Variants in ADK observed in about 807,000 individuals in gnomAD.
ADK encodes the protein adenosine kinase, also known as N6,N6-dimethyladenosine kinase.
ADK carries 24 observed loss-of-function variants against 44.7 expected under a neutral mutation model. That is an observed-to-expected ratio of 0.54 (90% CI 0.39 to 0.76). ADK has a LOEUF of 0.76. Among genes scored for constraint, ADK ranks in the 30% least tolerant of loss-of-function variants. ADK has a pLI of 0.00. For missense variants in ADK, 321 were observed against 425.1 expected, an observed-to-expected ratio of 0.76 and a Z score of 2.15; for synonymous variants, 128 against 142.6, an observed-to-expected ratio of 0.90 and a Z score of 0.73.
intron 4 of ADK, among the ~76,000 whole-genome samples, chr10:74,340,772 T>G (rs1033949491): frequency 1.3e-5 from 2 of 152,170 alleles, no homozygotes; most frequent in Admixed American, 6.5e-5. Flanking sequence ...CTGTTTTAAT[T>G]GTCTATATAG....
intron 6 of ADK, among the ~76,000 whole-genome samples, chr10:74,487,510 C>T: frequency 6.7e-6 from 1 of 150,046 alleles, no homozygotes; most frequent in African/African-American, 2.5e-5. Context: ...GTAGAATTTG[C>T]CAGTTTATTT....
chr10:74,231,931 G>C (rs1363321128), intron 3 of ADK, among the ~76,000 whole-genome samples: 1 of 150,602 alleles, frequency 6.6e-6, no homozygotes, highest in Non-Finnish European at 1.5e-5. Context: ...CTAAATCTGT[G>C]TTAGATTTCT....
chr10:74,182,976 C>T (rs4745741), intron 1 of ADK, among the ~76,000 whole-genome samples: 111,929 of 152,014 alleles, frequency 0.74, 41,921 homozygotes, highest in Middle Eastern at 0.85. Context: ...AGTGTGGTGG[C>T]ATGAACACAG....
chr10:74,444,578 G>A (rs532115317), intron 6 of ADK, among the ~76,000 whole-genome samples: 4 of 152,156 alleles, frequency 2.6e-5, no homozygotes, highest in African/African-American at 7.2e-5. Context: ...GTAGCAAGGG[G>A]TTGGGGGAGT....
intron 7 of ADK, among the ~76,000 whole-genome samples, chr10:74,587,211 A>T (rs1214412514): frequency 6.6e-6 from 1 of 152,192 alleles, no homozygotes; most frequent in African/African-American, 2.4e-5. Flanking sequence ...ATAGCTTTTG[A>T]ACCTTTTCCT....
chr10:74,703,497 C>G (rs775350449), intron 10 of ADK, among the ~76,000 whole-genome samples: 1 of 151,876 alleles, frequency 6.6e-6, no homozygotes, highest in Admixed American at 6.6e-5. Flanking sequence ...AAATAAATAA[C>G]AAATAAATTA....
chr10:74,320,231 A>C (rs1188222521), intron 4 of ADK, among the ~76,000 whole-genome samples: 1 of 152,160 alleles, frequency 6.6e-6, no homozygotes, highest in East Asian at 1.9e-4. Context: ...GTTTTGTTGG[A>C]TATAGAATTC....
intron 3 of ADK, among the ~76,000 whole-genome samples, chr10:74,314,338 T>C (rs1840545947): frequency 6.6e-6 from 1 of 152,080 alleles, no homozygotes; most frequent in Non-Finnish European, 1.5e-5. Context: ...GAGACTGGGA[T>C]TCTGATTTTG....
At chr10:74,413,066 A>C (rs1372835994) in intron 6 of ADK, among the ~76,000 whole-genome samples, 1 of 152,124 alleles carries the variant, frequency 6.6e-6, no homozygotes, top group Non-Finnish European at 1.5e-5. Context: ...CCAAAAAAAA[A>C]AAAATTCAGC....
chr10:74,423,116 G>T (rs1328167226), intron 6 of ADK, among the ~76,000 whole-genome samples: 1 of 152,190 alleles, frequency 6.6e-6, no homozygotes, highest in African/African-American at 2.4e-5. Context: ...AGGGTGAGGG[G>T]AACAGAAGCA....
intron 4 of ADK, among the ~76,000 whole-genome samples, chr10:74,319,549 G>A (rs1036492155): frequency 7.9e-5 from 12 of 152,130 alleles, no homozygotes; most frequent in Admixed American, 3.3e-4. Flanking sequence ...ATCTTCAAAT[G>A]TAGTCACATT....
chr10:74,635,580 C>A (rs1191473176), intron 9 of ADK, among the ~76,000 whole-genome samples: 1 of 152,088 alleles, frequency 6.6e-6, no homozygotes, highest in Non-Finnish European at 1.5e-5. Flanking sequence ...GTTTTATTTT[C>A]TCATGATTCT....
intron 9 of ADK, among the ~76,000 whole-genome samples, chr10:74,621,256 G>A (rs1346459633): frequency 6.6e-6 from 1 of 152,148 alleles, no homozygotes; most frequent in African/African-American, 2.4e-5. Context: ...AGAGCTAGGA[G>A]TCTAGTTCCA....
chr10:74,178,171 AC>A, intron 1 of ADK, among the ~76,000 whole-genome samples: 1 of 151,960 alleles, frequency 6.6e-6, no homozygotes, highest in Non-Finnish European at 1.5e-5. Flanking sequence ...CGAACTCCTG[AC>A]CTCAAGTGAT....
intron 7 of ADK, among the ~76,000 whole-genome samples, chr10:74,571,732 G>C (rs1001323288): frequency 2.6e-5 from 4 of 151,988 alleles, no homozygotes; most frequent in East Asian, 3.9e-4. Flanking sequence ...TTTCAAAAAA[G>C]CAGCTCCTGG....
intron 10 of ADK, among the ~76,000 whole-genome samples, chr10:74,694,156 T>TTTTA (rs1554898860): frequency 1.4e-5 from 2 of 144,744 alleles, no homozygotes; most frequent in Non-Finnish European, 3.0e-5. Flanking sequence ...CATTTTTTTT[T>TTTTA]TTTTTTTTTT....
intron 10 of ADK, among the ~76,000 whole-genome samples, chr10:74,675,565 C>G (rs570696307): frequency 2.6e-4 from 40 of 152,260 alleles, no homozygotes; most frequent in African/African-American, 8.4e-4. Context: ...GAAATGGATA[C>G]AATTCTATAA....
At chr10:74,497,704 T>C (rs1847739990) in intron 6 of ADK, among the ~76,000 whole-genome samples, 1 of 152,138 alleles carries the variant, frequency 6.6e-6, no homozygotes, top group African/African-American at 2.4e-5. Flanking sequence ...AGTGGTACAC[T>C]CCTGTAGTCC....
chr10:74,385,933 T>C (rs1843124329), intron 4 of ADK, among the ~76,000 whole-genome samples: 1 of 152,172 alleles, frequency 6.6e-6, no homozygotes, highest in African/African-American at 2.4e-5. Flanking sequence ...TATTAGAAAT[T>C]GATTTTTATT....
Sources: allele counts gnomAD v4.1 joint callset (sites outside exome capture counted in the v4.1 genomes callset), GRCh38; gene constraint gnomAD v4.1.1; transcripts MANE v1.5; gene names NCBI Gene and HGNC (gene_info 2026-07-23, HGNC 2026-07-21).